TTC39C: variants seen among roughly 807,000 people sequenced by gnomAD.
The protein encoded by TTC39C is tetratricopeptide repeat domain 39C.
Under a neutral mutation model 76.3 loss-of-function variants are expected in TTC39C, and 33 were observed. The ratio of observed to expected loss-of-function variants is 0.43; its 90% CI spans 0.33 to 0.58. TTC39C has a LOEUF of 0.58. Ranked by LOEUF, TTC39C falls within the 20% of genes least tolerant of loss-of-function variation. The probability of loss-of-function intolerance (pLI) is 0.04; values close to 1 mark genes in which losing one functional copy is unlikely to be tolerated. For missense variants in TTC39C, 595 were observed against 701.4 expected (o/e 0.85, Z 1.71); for synonymous variants, 254 against 260.6 (o/e 0.97, Z 0.24).
chr18:24,105,085 A>G (rs1161671742), intron 6 of TTC39C, among the ~76,000 whole-genome samples: 1 of 152,182 alleles, frequency 6.6e-6, no homozygotes, highest in Non-Finnish European at 1.5e-5. Flanking sequence ...CTGGATGTTA[A>G]CCTACTAAAT....
chr18:24,039,035 A>G (rs2083762217), intron 1 of TTC39C, among the ~76,000 whole-genome samples: 1 of 152,192 alleles, frequency 6.6e-6, no homozygotes, highest in Non-Finnish European at 1.5e-5. Flanking sequence ...AGTTCAGACC[A>G]TAGAAACAGA....
At chr18:24,061,239 T>A (rs9951923) in intron 1 of TTC39C, among the ~76,000 whole-genome samples, 55,874 of 150,184 alleles carry the variant, frequency 0.37, 10,755 homozygotes, top group Admixed American at 0.52. Context: ...TTTTTTTTTT[T>A]AAAAAAATAG....
chr18:24,063,845 A>G (rs960008816), intron 1 of TTC39C, among the ~76,000 whole-genome samples: 2 of 151,728 alleles, frequency 1.3e-5, no homozygotes, highest in African/African-American at 4.8e-5. Context: ...TACTGTGTCA[A>G]CTCTTTAACA....
chr18:24,030,456 T>A (rs2083653004), intron 1 of TTC39C, among the ~76,000 whole-genome samples: 4 of 152,164 alleles, frequency 2.6e-5, no homozygotes. Context: ...TAGAGAGGAA[T>A]CTGAATACAG....
chr18:24,124,554 G>A (rs2145824621), intron 9 of TTC39C, among the ~76,000 whole-genome samples: 1 of 152,306 alleles, frequency 6.6e-6, no homozygotes, highest in African/African-American at 2.4e-5. Context: ...TATGTATTCT[G>A]TACTTCTGTG....
chr18:24,072,008 A>G (rs1404650321), intron 4 of TTC39C, among the ~76,000 whole-genome samples: 2 of 152,234 alleles, frequency 1.3e-5, no homozygotes, highest in Non-Finnish European at 2.9e-5. Context: ...ATTTGTTTCA[A>G]ACAAACACAA....
intron 1 of TTC39C, chr18:24,000,390 A>G (rs1428181210): frequency 6.6e-6 from 1 of 152,292 alleles, no homozygotes. Flanking sequence ...GCTACCTACC[A>G]GCCAAGGAGA....
At chr18:24,033,203 A>C (rs1472103214) in intron 1 of TTC39C, among the ~76,000 whole-genome samples, 1 of 152,228 alleles carries the variant, frequency 6.6e-6, no homozygotes, top group East Asian at 1.9e-4. Context: ...CAGTGAGCTG[A>C]GATCATGCCA....
At chr18:24,024,003 T>C (rs1319891736) in intron 1 of TTC39C, among the ~76,000 whole-genome samples, 12 of 15,734 alleles carry the variant, frequency 7.6e-4, no homozygotes, top group African/African-American at 4.3e-3. Flanking sequence ...TATATATATA[T>C]ATATATATAT....
chr18:24,018,373 C>A (rs558242078), intron 1 of TTC39C, among the ~76,000 whole-genome samples: 2 of 97,514 alleles, frequency 2.1e-5, no homozygotes, highest in Admixed American at 1.9e-4. Flanking sequence ...TAGCAGCAGT[C>A]GCTCCCCCTC....
At chr18:24,087,582 GT>G (rs142766325) in intron 6 of TTC39C, among the ~76,000 whole-genome samples, 1 of 124,144 alleles carries the variant, frequency 8.1e-6, no homozygotes, top group African/African-American at 2.7e-5. Flanking sequence ...TTTGAGAACT[GT>G]TTTTTTTTTG....
intron 6 of TTC39C, among the ~76,000 whole-genome samples, chr18:24,104,157 C>G (rs1037200902): frequency 2.0e-5 from 3 of 152,290 alleles, no homozygotes; most frequent in Admixed American, 2.0e-4. Context: ...GTCTTGAGCT[C>G]CTGACCTCAA....
chr18:24,113,536 G>A lies in TTC39C; in HGVS notation c.985-1018G>A, dbSNP rs192267568. 4.4e-4 allele frequency: 309 copies of A among 700,496 alleles called. 2 individuals are homozygous for A. Among genetic ancestry groups the A allele is most frequent in the Non-Finnish European group, 7.2e-4 (276 of 383,682 alleles). 43.4% of individuals were successfully genotyped at this position (700,496 alleles called of 1,614,324 possible). ...AGACGCACCTGGAAGCCCAGGGGAG[G>A]GAAGTCCACCTCCCTGCAAGTGTAG... On this transcript the variant is annotated intron_variant, in intron 6 of 13. Coordinates refer to ENST00000317571, the MANE Select transcript of TTC39C (RefSeq NM_001135993.2).
At chr18:24,043,724 A>G (rs142809633) in intron 1 of TTC39C, among the ~76,000 whole-genome samples, 2 of 152,314 alleles carry the variant, frequency 1.3e-5, no homozygotes, top group African/African-American at 4.8e-5. Context: ...CTCTTACTGC[A>G]CCATTAACTA....
Position 24,130,377 on chromosome 18 carries a change from C to T in TTC39C, c.1583C>T (p.Ala528Val), listed in dbSNP as rs772798427. 2.0e-5 allele frequency: 31 copies of T among 1,585,634 alleles called. No homozygotes were observed. The highest frequency in any genetic ancestry group is 2.6e-5 in the Non-Finnish European group (30 of 1,166,758). Residue 528 changes from alanine to valine, a missense_variant, in exon 12 of 14, where the codon GCC becomes GTC. Coordinates refer to ENST00000317571, the MANE Select transcript of TTC39C (RefSeq NM_001135993.2). The part of the protein sequence containing the change: ...RQNNLYVQPY[A>V]CYELGCLLLD... ...AATAACTTATATGTTCAGCCGTATG[C>T]CTGTTATGAACTTGGCTGTCTTCTA... is the stretch of plus-strand genomic sequence containing the variant.
chr18:24,076,847 C>T (rs779050047), intron 4 of TTC39C: 2 of 152,044 alleles, frequency 1.3e-5, no homozygotes, highest in Admixed American at 6.5e-5. Flanking sequence ...AAATTAAAGA[C>T]GGATTGAATT....
chr18:24,115,236 G>A (rs569945496), intron 7 of TTC39C, among the ~76,000 whole-genome samples: 12 of 152,286 alleles, frequency 7.9e-5, no homozygotes, highest in African/African-American at 2.2e-4. Flanking sequence ...CAACAAACCT[G>A]GAAGGATTTA....
chr18:24,019,185 T>C (rs1022205774), intron 1 of TTC39C, among the ~76,000 whole-genome samples: 2 of 152,182 alleles, frequency 1.3e-5, no homozygotes, highest in South Asian at 2.1e-4. Flanking sequence ...GCAGTTCTTA[T>C]TTCTGCTGCC....
intron 6 of TTC39C, among the ~76,000 whole-genome samples, chr18:24,089,912 TA>T (rs747242883): frequency 1.8e-4 from 28 of 152,164 alleles, no homozygotes; most frequent in Non-Finnish European, 4.1e-4. Flanking sequence ...AACACATACA[TA>T]ATTATTTTAA....
Sources: gnomAD v4.1 joint callset for allele counts (sites outside exome capture counted in the v4.1 genomes callset) on GRCh38, gnomAD v4.1.1 for gene constraint, MANE v1.5 for transcripts, NCBI Gene and HGNC (gene_info 2026-07-23, HGNC 2026-07-21) for gene names.